TRPM6: variants seen among roughly 807,000 people sequenced by gnomAD.
The protein encoded by TRPM6 is transient receptor potential cation channel subfamily M member 6.
TRPM6 carries 111 observed loss-of-function variants against 247.6 expected under a neutral mutation model. That is an observed-to-expected ratio of 0.45 (90% CI 0.38 to 0.52). The LOEUF (loss-of-function observed/expected upper bound fraction) is 0.52. TRPM6 is among the 20% of genes least tolerant of loss of function. The pLI, the probability that TRPM6 is intolerant of heterozygous loss-of-function variation, is 0.00. For missense variants in TRPM6, 2,126 were observed against 2,421.5 expected, an observed-to-expected ratio of 0.88 and a Z score of 2.56; for synonymous variants, 892 against 853.8, an observed-to-expected ratio of 1.04 and a Z score of -0.78.
rs1411892471 is a variant in TRPM6, at chr9:74,762,681, C to T, written c.3990G>A (p.Gly1330=). Residue 1330 remains glycine (G), a synonymous_variant, in exon 26 of 39, where the codon GGG becomes GGA. Coordinates refer to ENST00000360774, the MANE Select transcript of TRPM6 (RefSeq NM_017662.5). ...AGTGTGCTTGCCTGTTAGGAGACAC[C>T]CCAGAAACCACTATACTACTTTGTG... ...QETQSSIVVS[G]VSPNRQAHSK... is the part of the protein sequence containing the mutation. The T allele has an allele frequency of 1.7e-5, 28 of 1,613,946 alleles. No individual in the cohort carries two copies. Among genetic ancestry groups the T allele is most frequent in the Non-Finnish European group, 2.3e-5 (27 of 1,180,014 alleles).
chr9:74,858,875 C>A (rs1324379011), intron 1 of TRPM6, 127 bp from the exon 2 acceptor site: 6 of 720,148 alleles, frequency 8.3e-6, no homozygotes, highest in African/African-American at 1.8e-5. Context: ...ACCAACCCCA[C>A]ACAGGCTAAG....
chr9:74,887,268 G>T (rs930141802), intron 1 of TRPM6: 3 of 1,335,842 alleles, frequency 2.2e-6, no homozygotes, highest in Non-Finnish European at 9.6e-7. Context: ...ACTCCTGCAC[G>T]GGGAACACTG....
At chr9:74,735,222 CA>C (rs11346925) in intron 36 of TRPM6, among the ~76,000 whole-genome samples, 8,059 of 121,436 alleles carry the variant, frequency 0.066, 678 homozygotes, top group African/African-American at 0.22. Flanking sequence ...GACCTTGTCT[CA>C]AAAAAAAAAA....
In TRPM6 at chr9:74,782,346, A is replaced by T; in HGVS notation, c.3209+16T>A. 2 of 1,564,380 alleles carry T rather than the reference A, an allele frequency of 1.3e-6. No individual in the cohort carries two copies. Among genetic ancestry groups the T allele is most frequent in the Non-Finnish European group, 1.8e-6 (2 of 1,134,948 alleles). On this transcript the variant is annotated intron_variant, in intron 23 of 38. Coordinates refer to ENST00000360774, the MANE Select transcript of TRPM6 (RefSeq NM_017662.5). ...ATTTCTTATTTAAATAATCATATTT[A>T]ATTGAAATAACCTACTTGAAGAAAG...
At chr9:74,791,258 A>G (rs1182223402) in intron 19 of TRPM6, among the ~76,000 whole-genome samples, 6 of 152,222 alleles carry the variant, frequency 3.9e-5, no homozygotes, top group African/African-American at 9.6e-5. Context: ...GGAAACAGAT[A>G]AAAATCATAC....
intron 4 of TRPM6, 60 bp downstream of exon 4, chr9:74,842,106 C>A: frequency 1.3e-6 from 2 of 1,561,806 alleles, no homozygotes; most frequent in Non-Finnish European, 1.8e-6. Flanking sequence ...AGCAAAACCC[C>A]GTCTCGAAAA....
intron 28 of TRPM6, 87 bp from the exon 29 acceptor site, chr9:74,752,455 A>G (rs1199285282): frequency 4.0e-6 from 3 of 756,358 alleles, no homozygotes; most frequent in African/African-American, 3.5e-5. Context: ...ATCTGAACAC[A>G]GTACATTCAT....
intron 17 of TRPM6, among the ~76,000 whole-genome samples, chr9:74,799,041 C>T (rs1267825090): frequency 6.6e-6 from 1 of 152,172 alleles, no homozygotes; most frequent in Non-Finnish European, 1.5e-5. Context: ...GAGGTGAACC[C>T]ATTCACATCT....
intron 3 of TRPM6, among the ~76,000 whole-genome samples, chr9:74,852,178 A>C (rs984033841): frequency 1.8e-4 from 28 of 151,690 alleles, no homozygotes; most frequent in African/African-American, 6.8e-4. Flanking sequence ...ATTGCAATGT[A>C]GCGGAACTAC....
At chr9:74,744,002 C>A in intron 32 of TRPM6, 93 bp downstream of exon 32, 1 of 1,261,820 alleles carries the variant, frequency 7.9e-7, no homozygotes, top group South Asian at 1.2e-5. Flanking sequence ...CGAGCCATGT[C>A]AGTAACACAG....
At chr9:74,799,537 A>AC (rs1429952397) in intron 17 of TRPM6, among the ~76,000 whole-genome samples, 17 of 128,810 alleles carry the variant, frequency 1.3e-4, no homozygotes, top group Non-Finnish European at 2.1e-4. Flanking sequence ...CTCAAAAAAA[A>AC]ACACACACAC....
chr9:74,830,332 T>C (rs1407146413), intron 6 of TRPM6, among the ~76,000 whole-genome samples: 2 of 151,990 alleles, frequency 1.3e-5, no homozygotes, highest in Non-Finnish European at 2.9e-5. Context: ...TCAATGGGCA[T>C]CCACATACCC....
chr9:74,805,541 A>C (rs1828498593), intron 14 of TRPM6, among the ~76,000 whole-genome samples: 1 of 152,220 alleles, frequency 6.6e-6, no homozygotes, highest in Non-Finnish European at 1.5e-5. Flanking sequence ...GATGTTGCTT[A>C]AGTAACATGT....
chr9:74,767,197 T>C (rs1826857598), intron 25 of TRPM6, among the ~76,000 whole-genome samples: 1 of 152,290 alleles, frequency 6.6e-6, no homozygotes, highest in East Asian at 1.9e-4. Context: ...ACTGTACTGA[T>C]GAATTACAAT....
chr9:74,772,619 T>A (rs2889332), intron 24 of TRPM6, among the ~76,000 whole-genome samples: 29,163 of 151,622 alleles, frequency 0.19, 4,262 homozygotes, highest in African/African-American at 0.41. Flanking sequence ...GAGGCAGATC[T>A]CCTTAAATAT....
chr9:74,801,289 C>T (rs555792573), intron 16 of TRPM6, among the ~76,000 whole-genome samples: 2 of 128,736 alleles, frequency 1.6e-5, no homozygotes, highest in East Asian at 4.8e-4. Flanking sequence ...GACGGAGTCT[C>T]ACTCTGTCGC....
At chr9:74,823,359 A>T (rs540778820) in intron 7 of TRPM6, among the ~76,000 whole-genome samples, 1 of 152,368 alleles carries the variant, frequency 6.6e-6, no homozygotes, top group East Asian at 1.9e-4. Context: ...CCTTCCAGCT[A>T]TATGTGTCAA....
intron 14 of TRPM6, 35 bp from the exon 15 acceptor site, chr9:74,803,921 T>C: frequency 8.1e-7 from 1 of 1,241,180 alleles, no homozygotes; most frequent in Admixed American, 1.7e-5. Context: ...GGTCACTCTC[T>C]GGCACGTTAT....
At chr9:74,853,298 C>T (rs1415149816) in intron 3 of TRPM6, among the ~76,000 whole-genome samples, 1 of 151,666 alleles carries the variant, frequency 6.6e-6, no homozygotes, top group Non-Finnish European at 1.5e-5. Context: ...CGCCCGGCAG[C>T]CGCCCCATCC....
Sources: gnomAD v4.1 joint callset for allele counts (sites outside exome capture counted in the v4.1 genomes callset) on GRCh38, gnomAD v4.1.1 for gene constraint, MANE v1.5 for transcripts, NCBI Gene and HGNC (gene_info 2026-07-23, HGNC 2026-07-21) for gene names.